Variants in IMPG2 observed in about 807,000 individuals in gnomAD.
The protein encoded by IMPG2 is IPM 200.
IMPG2 carries 91 observed loss-of-function variants against 129.2 expected under a neutral mutation model. The ratio of observed to expected loss-of-function variants is 0.70; its 90% CI spans 0.59 to 0.84. IMPG2 has a LOEUF of 0.84. Ranked by LOEUF, IMPG2 falls within the 40% of genes least tolerant of loss-of-function variation. The probability of loss-of-function intolerance (pLI) is 0.00; values close to 1 mark genes in which losing one functional copy is unlikely to be tolerated. For missense variants in IMPG2, 1,430 were observed against 1,461.7 expected, an observed-to-expected ratio of 0.98 and a Z score of 0.35; for synonymous variants, 510 against 517.7, an observed-to-expected ratio of 0.99 and a Z score of 0.20.
Position 101,229,541 on chromosome 3 carries a change from T to A in IMPG2, c.3472A>T (p.Lys1158Ter), listed in dbSNP as rs1276845142. ...DSLSSIENAV[K>*]YNPVYESHRA... ...TGACTTTCATACACGGGGTTGTACT[T>A]CACAGCATTCTCAATAGATGAGAGG... Residue 1158 changes from lysine to a stop codon, truncating the protein, a stop_gained, in exon 17 of 19, where the codon AAG (lysine) becomes TAG (stop). Transcript: ENST00000193391. LOFTEE classifies it high-confidence loss of function. The A allele has an allele frequency of 2.5e-6, 4 of 1,613,926 alleles. No individual in the cohort carries two copies. Among genetic ancestry groups the A allele is most frequent in the Non-Finnish European group, 3.4e-6 (4 of 1,180,030 alleles).
chr3:101,280,174 T>C (rs1706878017), intron 4 of IMPG2, among the ~76,000 whole-genome samples: 2 of 152,240 alleles, frequency 1.3e-5, no homozygotes, highest in Non-Finnish European at 2.9e-5. Context: ...TCACCACTAC[T>C]ACCTAATCAT....
At chr3:101,266,349 T>A (rs1394973889) in intron 9 of IMPG2, among the ~76,000 whole-genome samples, 1 of 152,218 alleles carries the variant, frequency 6.6e-6, no homozygotes, top group African/African-American at 2.4e-5. Flanking sequence ...GTGGTATACA[T>A]ATGCAACCAA....
At chr3:101,315,041 T>C (rs1482912714) in intron 2 of IMPG2, among the ~76,000 whole-genome samples, 1 of 152,138 alleles carries the variant, frequency 6.6e-6, no homozygotes, top group Non-Finnish European at 1.5e-5. Context: ...GTTATATCTT[T>C]TCTGCCCATG....
chr3:101,226,225 T>TTATATGTATATGTATATA lies in IMPG2; in HGVS notation c.*743_*744insTATATACATATACATATA, dbSNP rs1706220210. ...TAGATTAATGGGAATCTTCTAAACT[T>TTATATGTATATGTATATA]TATATATATATATATATATATATAT... On this transcript the variant is annotated 3_prime_UTR_variant, in exon 19 of 19. Transcript: ENST00000193391. 9.7e-6 allele frequency: 1 copy of TTATATGTATATGTATATA among 102,880 alleles called. No individual in the cohort carries two copies. The highest frequency in any genetic ancestry group is 4.4e-5 in the African/African-American group (1 of 22,888). 6.4% of individuals were successfully genotyped at this position (102,880 alleles called of 1,614,324 possible).
chr3:101,290,906 G>A (rs995080220), intron 4 of IMPG2, among the ~76,000 whole-genome samples: 32 of 152,144 alleles, frequency 2.1e-4, no homozygotes, highest in African/African-American at 5.3e-4. Context: ...TAGATGCTCC[G>A]AGGATGAATA....
chr3:101,303,499 T>C (rs955429771), intron 3 of IMPG2, among the ~76,000 whole-genome samples: 8 of 152,066 alleles, frequency 5.3e-5, no homozygotes, highest in Non-Finnish European at 7.4e-5. Context: ...CAGGGAGATA[T>C]ACGGAATAAC....
At chr3:101,275,871 T>C (rs1706835443) in intron 5 of IMPG2, 126 bp from the exon 6 acceptor site, 1 of 726,686 alleles carries the variant, frequency 1.4e-6, no homozygotes, top group Non-Finnish European at 2.4e-6. Context: ...GTCCTGGAAA[T>C]TCGGTGCATT....
At chr3:101,317,761 C>T (rs1160356309) in intron 2 of IMPG2, among the ~76,000 whole-genome samples, 2 of 152,026 alleles carry the variant, frequency 1.3e-5, no homozygotes, top group African/African-American at 4.8e-5. Context: ...TCTAGGAATG[C>T]TTTATGTTCA....
At chr3:101,273,395 C>A (rs554171238) in intron 7 of IMPG2, among the ~76,000 whole-genome samples, 186 bp downstream of exon 7, 26 of 152,302 alleles carry the variant, frequency 1.7e-4, no homozygotes, top group African/African-American at 6.3e-4. Flanking sequence ...ATTTTTCTTT[C>A]TGTGAAAGAA....
At position 101,275,866 on chromosome 3, in the gene IMPG2, G is replaced by A; in HGVS notation, c.584-121C>T. 6.6e-6 allele frequency: 5 copies of A among 758,818 alleles called. No homozygotes were observed. In the South Asian group the frequency reaches 7.4e-5, roughly 11 times the overall value. 47.0% of individuals were successfully genotyped at this position (758,818 alleles called of 1,614,324 possible). A position where few individuals can be genotyped will look rare whatever the true frequency, so the allele number is the denominator to read the frequency against. On this transcript the variant is annotated intron_variant, in intron 5 of 18. Transcript: ENST00000193391. ...TATAAATAGTTTGTTTTATTGTCCT[G>A]GAAATTCGGTGCATTCTAACCTCAG... is the stretch of plus-strand genomic sequence containing the variant.
intron 4 of IMPG2, among the ~76,000 whole-genome samples, chr3:101,290,933 GC>G (rs1349797521): frequency 6.6e-6 from 1 of 152,080 alleles, no homozygotes; most frequent in Non-Finnish European, 1.5e-5. Flanking sequence ...GAAAGCTTTA[GC>G]CCCTGTAGGC....
Position 101,269,493 on chromosome 3 carries a change from ATATT to A in IMPG2, c.887+18_887+21del. On this transcript the variant is annotated intron_variant, in intron 8 of 18. Coordinates refer to ENST00000193391, the MANE Select transcript of IMPG2 (RefSeq NM_016247.4). ...ATAAAGAATACTACTGAAAATGTGC[ATATT>A]TAGATAAGTCTATTTACCTAAATTC... The A allele has an allele frequency of 7.4e-7, 1 of 1,347,544 alleles. No homozygotes were observed. Among genetic ancestry groups the A allele is most frequent in the Non-Finnish European group, 1.1e-6 (1 of 937,300 alleles). The allele number at this position is 1,347,544 out of a possible 1,614,324, so 83.5% of individuals were successfully genotyped here. A position where few individuals can be genotyped will look rare whatever the true frequency, so the allele number is the denominator to read the frequency against.
chr3:101,278,054 G>A (rs1212000521), intron 4 of IMPG2, among the ~76,000 whole-genome samples: 1 of 152,152 alleles, frequency 6.6e-6, no homozygotes, highest in Non-Finnish European at 1.5e-5. Flanking sequence ...GGCCAACATG[G>A]TGAAACCCCG....
chr3:101,309,607 T>TC (rs1347435100), intron 2 of IMPG2, among the ~76,000 whole-genome samples: 4 of 151,472 alleles, frequency 2.6e-5, no homozygotes, highest in Non-Finnish European at 5.9e-5. Context: ...TGATCTAATC[T>TC]CCCCCCATGA....
chr3:101,266,876 T>A (rs1476751811), intron 9 of IMPG2, among the ~76,000 whole-genome samples: 9 of 152,188 alleles, frequency 5.9e-5, no homozygotes, highest in Admixed American at 5.9e-4. Flanking sequence ...CTTCCCCCAC[T>A]GCTAGCTTTG....
At chr3:101,229,020 C>A (rs1706253022) in intron 17 of IMPG2, 144 bp from the exon 18 acceptor site, 2 of 671,246 alleles carry the variant, frequency 3.0e-6, no homozygotes. Context: ...CAGGAGTGTG[C>A]ACTTTCAGAG....
chr3:101,307,077 A>T (rs1707213068), intron 2 of IMPG2, among the ~76,000 whole-genome samples: 1 of 152,228 alleles, frequency 6.6e-6, no homozygotes, highest in African/African-American at 2.4e-5. Flanking sequence ...TACAATAGGT[A>T]AAAGGCTGGA....
intron 2 of IMPG2, among the ~76,000 whole-genome samples, chr3:101,314,319 G>A (rs1198109113): frequency 1.3e-5 from 2 of 152,038 alleles, no homozygotes; most frequent in South Asian, 2.1e-4. Flanking sequence ...ACACTAAAAA[G>A]ATTATTTGTT....
At chr3:101,311,046 G>A (rs1427100743) in intron 2 of IMPG2, among the ~76,000 whole-genome samples, 1 of 151,996 alleles carries the variant, frequency 6.6e-6, no homozygotes, top group African/African-American at 2.4e-5. Flanking sequence ...AGAGTGAGGG[G>A]CTACACAGAT....
Sources: allele counts gnomAD v4.1 joint callset (sites outside exome capture counted in the v4.1 genomes callset), GRCh38; gene constraint gnomAD v4.1.1; transcripts MANE v1.5; gene names NCBI Gene and HGNC (gene_info 2026-07-23, HGNC 2026-07-21).